The following DOCK11 variants were observed in gnomAD, a reference collection of about 807,000 sequenced individuals.
DOCK11 encodes dedicator of cytokinesis 11.
Under a neutral mutation model 169.1 loss-of-function variants are expected in DOCK11, and 70 were observed. That is an observed-to-expected ratio of 0.41 (90% confidence interval 0.34 to 0.51). The LOEUF is 0.51. Among genes scored for constraint, DOCK11 ranks in the 20% least tolerant of loss-of-function variants. The probability of loss-of-function intolerance (pLI) is 0.10; values close to 1 mark genes in which losing one functional copy is unlikely to be tolerated. For synonymous variants in DOCK11, 529 were observed against 541.3 expected (o/e 0.98, Z 0.32); for missense variants, 1,166 against 1,538.8 (o/e 0.76, Z 4.05).
chrX:118,636,552 AT>A, intron 36 of DOCK11, 140 bp downstream of exon 36: 1 of 285,606 alleles, frequency 3.5e-6, no homozygotes, highest in Non-Finnish European at 6.3e-6. Flanking sequence ...AGAGCCTGAC[AT>A]AGAGGTTCTT....
chrX:118,581,721 G>A (rs1278097816), intron 14 of DOCK11, among the ~76,000 whole-genome samples: 1 of 100,963 alleles, frequency 9.9e-6, no homozygotes. Flanking sequence ...GGAGAATGGC[G>A]TGAACCTGGG....
In DOCK11 at chrX:118,495,938, G is replaced by GCCCGCCCGCCGAGA. The variant is rs1228474193; in HGVS notation, c.-22_-9dup. 1.2e-5 allele frequency: 12 copies of GCCCGCCCGCCGAGA among 986,074 alleles called. No homozygotes were observed. The East Asian group carries it at 6.3e-4, about 52-fold the overall frequency. The allele number at this position is 986,074 out of a possible 1,213,427, so 81.3% of individuals were successfully genotyped here. ...TGAGTCCACCCGCCCGCCGAGGTCC[G>GCCCGCCCGCCGAGA]CCCGCCCGCCGAGACCCGCCCGCCG... is the stretch of plus-strand genomic sequence containing the variant. On this transcript the variant is annotated 5_prime_UTR_variant, in exon 1 of 53. Transcript: ENST00000276202.
rs1167034599 is a variant in DOCK11, at chrX:118,545,395, A to G, written c.462+3A>G. 1.7e-6 allele frequency: 2 copies of G among 1,176,873 alleles called. No homozygotes were observed. The highest frequency in any genetic ancestry group is 2.3e-6 in the Non-Finnish European group (2 of 874,429). On this transcript the variant is annotated splice_donor_region_variant and intron_variant, in intron 5 of 52. Coordinates refer to ENST00000276202, the MANE Select transcript of DOCK11 (RefSeq NM_144658.4). Reference sequence around the variant, plus strand: ...ATGAAGACTGTGAGAAAGATGAGGTAAGAATGGGGGCAACAGTTGGGGTAA... The same window carrying G: ...ATGAAGACTGTGAGAAAGATGAGGTGAGAATGGGGGCAACAGTTGGGGTAA...
chrX:118,586,176 C>T (rs904882715), intron 16 of DOCK11, among the ~76,000 whole-genome samples: 1 of 111,264 alleles, frequency 9.0e-6, no homozygotes, highest in Non-Finnish European at 1.9e-5. Flanking sequence ...GTGCTTTAAA[C>T]GTAGGGAGTT....
At chrX:118,582,179 G>C (rs775029309) in intron 14 of DOCK11, among the ~76,000 whole-genome samples, 1 of 112,064 alleles carries the variant, frequency 8.9e-6, no homozygotes, top group South Asian at 3.7e-4. Flanking sequence ...ACTTATCTAC[G>C]TGCTTCATGT....
intron 14 of DOCK11, among the ~76,000 whole-genome samples, chrX:118,581,853 C>T (rs1179281889): frequency 1.2e-5 from 1 of 80,865 alleles, no homozygotes. Context: ...GGTTATTGGC[C>T]GGCCACAGTG....
At position 118,659,693 on chromosome X, in the gene DOCK11, C is replaced by T. The variant is rs747545699; in HGVS notation, c.4970-2993C>T. On this transcript the variant is annotated intron_variant, in intron 44 of 52. Coordinates refer to ENST00000276202, the MANE Select transcript of DOCK11 (RefSeq NM_144658.4). ...ATTGGACTCTGAAGCTGAAAATTCA[C>T]AATAGTAGTCTTTGCACTAGATAAC... 7.2e-5 allele frequency among the ~76,000 whole-genome samples: 8 copies of T among 111,812 alleles called. No homozygotes were observed. The South Asian group carries it at 1.9e-3, about 26-fold the overall frequency.
intron 51 of DOCK11, 77 bp from the exon 52 acceptor site, chrX:118,683,002 T>A (rs1569449247): frequency 9.8e-7 from 1 of 1,019,202 alleles, no homozygotes; most frequent in Non-Finnish European, 1.3e-6. Context: ...ATGGCTAAAC[T>A]GAGTTATCAA....
intron 1 of DOCK11, among the ~76,000 whole-genome samples, chrX:118,522,424 A>G (rs1438852112): frequency 8.9e-6 from 1 of 112,275 alleles, no homozygotes; most frequent in Non-Finnish European, 1.9e-5. Flanking sequence ...TAGCAGCTTA[A>G]AATAACACAC....
At chrX:118,566,783 T>A in intron 9 of DOCK11, 130 bp downstream of exon 9, 1 of 562,382 alleles carries the variant, frequency 1.8e-6, no homozygotes, top group Non-Finnish European at 2.7e-6. Flanking sequence ...GTGAAACAGG[T>A]AGAGATTGTA....
intron 1 of DOCK11, among the ~76,000 whole-genome samples, chrX:118,540,172 G>A (rs1299695283): frequency 9.1e-6 from 1 of 109,965 alleles, no homozygotes; most frequent in South Asian, 3.9e-4. Context: ...ATTGTACAGA[G>A]AAGTTGACAG....
chrX:118,668,753 A>G (rs754501409), intron 45 of DOCK11, among the ~76,000 whole-genome samples: 1 of 111,555 alleles, frequency 9.0e-6, no homozygotes, highest in East Asian at 2.8e-4. Context: ...AAAGATGTGT[A>G]GTGTCTTGCC....
At chrX:118,649,480 G>A (rs994063556) in intron 41 of DOCK11, among the ~76,000 whole-genome samples, 15 of 112,007 alleles carry the variant, frequency 1.3e-4, no homozygotes, top group South Asian at 3.7e-4. Flanking sequence ...AGCTGCTCCT[G>A]AGCAGAGAAG....
intron 46 of DOCK11, 131 bp from the exon 47 acceptor site, chrX:118,675,805 G>A (rs1215342581): frequency 2.7e-6 from 1 of 368,839 alleles, no homozygotes; most frequent in Non-Finnish European, 4.7e-6. Flanking sequence ...AAAGGGAGAT[G>A]AGTATGAATG....
intron 1 of DOCK11, among the ~76,000 whole-genome samples, chrX:118,518,778 G>A (rs774088717): frequency 9.0e-6 from 1 of 111,482 alleles, no homozygotes; most frequent in African/African-American, 3.3e-5. Flanking sequence ...GACTTTGGGT[G>A]TTATGATGTG....
At chrX:118,585,405 T>G (rs1053005255) in intron 16 of DOCK11, among the ~76,000 whole-genome samples, 3 of 106,992 alleles carry the variant, frequency 2.8e-5, no homozygotes, top group African/African-American at 1.0e-4. Flanking sequence ...CCAGCTAACC[T>G]TGGCATCAGT....
intron 1 of DOCK11, among the ~76,000 whole-genome samples, chrX:118,510,638 G>A: frequency 9.0e-6 from 1 of 111,164 alleles, no homozygotes; most frequent in Non-Finnish European, 1.9e-5. Context: ...GCGGGGAGGT[G>A]TTTAAAAGAG....
At chrX:118,545,135 T>G (rs1327864029) in intron 4 of DOCK11, among the ~76,000 whole-genome samples, 188 bp from the exon 5 acceptor site, 1 of 111,342 alleles carries the variant, frequency 9.0e-6, no homozygotes, top group African/African-American at 3.3e-5. Flanking sequence ...TTACAGTAAG[T>G]TTACTCAGAG....
Position 118,581,448 on chromosome X carries a change from T to G in DOCK11, c.1595+1269T>G, listed in dbSNP as rs776857394. Among the ~76,000 whole-genome samples the G allele has an allele frequency of 9.9e-5, 11 of 111,207 alleles. No homozygotes were observed. In the Admixed American group the frequency reaches 1.1e-3, roughly 11 times the overall value. On this transcript the variant is annotated intron_variant, in intron 14 of 52. Coordinates refer to ENST00000276202, the MANE Select transcript of DOCK11 (RefSeq NM_144658.4). ...AGTATGGCTTATAAATATCAGCATA[T>G]TTTTAATGCTCCAGCCTGAAAAGTC...
Sources: allele counts gnomAD v4.1 joint callset (sites outside exome capture counted in the v4.1 genomes callset), GRCh38; gene constraint gnomAD v4.1.1; transcripts MANE v1.5; gene names NCBI Gene and HGNC (gene_info 2026-07-23, HGNC 2026-07-21).